The following CDH13 variants were observed in gnomAD, a reference collection of about 807,000 sequenced individuals.
CDH13 encodes the protein cadherin-13.
A neutral mutation model predicts 63.8 loss-of-function variants in CDH13; 24 were observed. That is an observed-to-expected ratio of 0.38 (90% CI 0.27 to 0.53). CDH13 has a LOEUF of 0.53. Ranked by LOEUF, CDH13 falls within the 20% of genes least tolerant of loss-of-function variation. CDH13 has a pLI of 0.85. For missense variants in CDH13, 1,049 were observed against 903.1 expected, an observed-to-expected ratio of 1.16 and a Z score of -2.07; for synonymous variants, 503 against 355.3, an observed-to-expected ratio of 1.42 and a Z score of -4.67.
At chr16:83,200,951 G>T (rs796377471) in intron 4 of CDH13, among the ~76,000 whole-genome samples, 1 of 150,128 alleles carries the variant, frequency 6.7e-6, no homozygotes, top group East Asian at 2.0e-4. Context: ...GTGTGTGTGT[G>T]TGTGTGTGTG....
At chr16:83,524,309 C>T (rs1004207870) in intron 7 of CDH13, among the ~76,000 whole-genome samples, 1 of 152,128 alleles carries the variant, frequency 6.6e-6, no homozygotes, top group Non-Finnish European at 1.5e-5. Flanking sequence ...TGTGTTTATG[C>T]AGACATAGAT....
intron 2 of CDH13, among the ~76,000 whole-genome samples, chr16:82,893,225 C>T (rs774715196): frequency 2.0e-5 from 3 of 152,174 alleles, no homozygotes; most frequent in Non-Finnish European, 4.4e-5. Flanking sequence ...GTTTTTAATA[C>T]CTTATAAAAT....
intron 5 of CDH13, among the ~76,000 whole-genome samples, chr16:83,308,791 AC>A (rs1217499720): frequency 6.6e-6 from 1 of 152,252 alleles, no homozygotes; most frequent in Non-Finnish European, 1.5e-5. Context: ...GACCCTGGAA[AC>A]ATATGCCCAA....
intron 5 of CDH13, among the ~76,000 whole-genome samples, chr16:83,263,461 C>A (rs1421424206): frequency 6.6e-6 from 1 of 152,172 alleles, no homozygotes; most frequent in South Asian, 2.1e-4. Flanking sequence ...GATCTACCAA[C>A]CACATCACAG....
chr16:83,557,850 C>T (rs1224491833), intron 7 of CDH13, among the ~76,000 whole-genome samples: 1 of 152,122 alleles, frequency 6.6e-6, no homozygotes, highest in African/African-American at 2.4e-5. Context: ...GCAATTAGGG[C>T]ACATGCTTCG....
chr16:82,985,166 T>G (rs561198622), intron 2 of CDH13, among the ~76,000 whole-genome samples: 91 of 151,730 alleles, frequency 6.0e-4, no homozygotes, highest in African/African-American at 2.1e-3. Flanking sequence ...TACATTACTT[T>G]AATCCTAATG....
At chr16:83,010,308 G>A (rs1022101733) in intron 2 of CDH13, among the ~76,000 whole-genome samples, 1 of 152,002 alleles carries the variant, frequency 6.6e-6, no homozygotes, top group African/African-American at 2.4e-5. Flanking sequence ...GGAGGTCAGA[G>A]AGGTTAACAC....
chr16:83,739,100 A>G (rs547245162), intron 10 of CDH13, among the ~76,000 whole-genome samples: 11 of 152,278 alleles, frequency 7.2e-5, no homozygotes, highest in African/African-American at 2.6e-4. Context: ...AGAATCTTGG[A>G]TGTGGGGAGG....
At chr16:83,760,273 G>A (rs971511123) in intron 11 of CDH13, among the ~76,000 whole-genome samples, 1 of 152,144 alleles carries the variant, frequency 6.6e-6, no homozygotes, top group Non-Finnish European at 1.5e-5. Flanking sequence ...GTGTAAATTG[G>A]GTACAGCCAC....
chr16:83,335,341 C>T (rs1225712667), intron 5 of CDH13, among the ~76,000 whole-genome samples: 1 of 152,036 alleles, frequency 6.6e-6, no homozygotes, highest in Non-Finnish European at 1.5e-5. Context: ...TATCTGGGGG[C>T]AAATGCTGGC....
chr16:83,201,512 C>A (rs939908479), intron 4 of CDH13, among the ~76,000 whole-genome samples: 4 of 151,860 alleles, frequency 2.6e-5, no homozygotes, highest in African/African-American at 7.3e-5. Flanking sequence ...AAGGTCCTGG[C>A]GAATTCAAGC....
chr16:82,857,978 C>G (rs891841424), intron 1 of CDH13, among the ~76,000 whole-genome samples: 2 of 152,136 alleles, frequency 1.3e-5, no homozygotes, highest in East Asian at 1.9e-4. Flanking sequence ...CTCTTTCCTC[C>G]TCTTCATAGA....
chr16:82,663,699 T>G lies in CDH13; in HGVS notation c.45+36562T>G, dbSNP rs12444015. ...AAAACTATTAAGATCCGTATGCTTTTTTCCTGTTGATCTGGTTGTCTGATT... is the reference window on the plus strand; with the variant it reads ...AAAACTATTAAGATCCGTATGCTTTGTTCCTGTTGATCTGGTTGTCTGATT... On this transcript the variant is annotated intron_variant, in intron 1 of 13. Coordinates refer to ENST00000567109, the MANE Select transcript of CDH13 (RefSeq NM_001257.5). Among the ~76,000 whole-genome samples, 345 of 152,228 alleles carry G rather than the reference T, an allele frequency of 2.3e-3. 1 individual carries two copies. The highest frequency in any genetic ancestry group is 0.01 in the Middle Eastern group (3 of 292).
chr16:83,101,936 C>T (rs1389745657), intron 3 of CDH13, among the ~76,000 whole-genome samples: 2 of 152,178 alleles, frequency 1.3e-5, no homozygotes, highest in Non-Finnish European at 2.9e-5. Context: ...TCCTTGGAAC[C>T]TGTGAATGTG....
chr16:82,657,393 T>C (rs1049297946), intron 1 of CDH13, among the ~76,000 whole-genome samples: 2 of 152,190 alleles, frequency 1.3e-5, no homozygotes, highest in Admixed American at 6.5e-5. Flanking sequence ...GAGTGACTAA[T>C]GGATGATGGG....
At chr16:83,675,502 G>C (rs1380621745) in intron 9 of CDH13, among the ~76,000 whole-genome samples, 4 of 152,180 alleles carry the variant, frequency 2.6e-5, no homozygotes, top group Non-Finnish European at 5.9e-5. Flanking sequence ...AGAAACACTG[G>C]GGCCGGGGAA....
At chr16:83,745,569 A>C (rs896858083) in intron 10 of CDH13, among the ~76,000 whole-genome samples, 2 of 152,114 alleles carry the variant, frequency 1.3e-5, no homozygotes, top group African/African-American at 2.4e-5. Context: ...GGTCGCCATG[A>C]GGCTTGTGGT....
At position 82,988,761 on chromosome 16, in the gene CDH13, CAAA is replaced by C. The variant is rs34153442; in HGVS notation, c.158-43234_158-43232del. On this transcript the variant is annotated intron_variant, in intron 2 of 13. Coordinates refer to ENST00000567109, the MANE Select transcript of CDH13 (RefSeq NM_001257.5). Reference sequence around the variant, plus strand: ...TGGGAGACAGAGTGAAACTCCAACTCAAAAAAAAAAAAAAAAATGCGAGTAATG... The same window carrying C: ...TGGGAGACAGAGTGAAACTCCAACTCAAAAAAAAAAAAAATGCGAGTAATG... 3.1e-3 allele frequency among the ~76,000 whole-genome samples: 310 copies of C among 99,122 alleles called. 5 individuals carry two copies. The East Asian group carries it at 0.073, about 23-fold the overall frequency. The allele number at this position is 99,122 out of a possible 152,430, so 65.0% of individuals were successfully genotyped here.
chr16:83,472,470 C>T (rs900226233), intron 6 of CDH13, among the ~76,000 whole-genome samples: 20 of 152,184 alleles, frequency 1.3e-4, no homozygotes, highest in South Asian at 8.3e-4. Context: ...GCCCTGAGGT[C>T]GGCCCCGGGA....
Sources: gnomAD v4.1 joint callset for allele counts (sites outside exome capture counted in the v4.1 genomes callset) on GRCh38, gnomAD v4.1.1 for gene constraint, MANE v1.5 for transcripts, NCBI Gene and HGNC (gene_info 2026-07-23, HGNC 2026-07-21) for gene names.